PRKD1: variants seen among roughly 807,000 people sequenced by gnomAD.
PRKD1 encodes the protein protein kinase D1, also known as serine/threonine-protein kinase D1.
A neutral mutation model predicts 95.9 loss-of-function variants in PRKD1; 63 were observed. The observed-to-expected ratio is 0.66, with a 90% CI of 0.54 to 0.81. The LOEUF (loss-of-function observed/expected upper bound fraction) is 0.81, where lower values mean the gene tolerates loss of function less well. Among genes scored for constraint, PRKD1 ranks in the 30% least tolerant of loss-of-function variants. The pLI, the probability that PRKD1 is intolerant of heterozygous loss-of-function variation, is 0.00. For missense variants in PRKD1, 1,048 were observed against 1,165.3 expected (o/e 0.90, Z 1.47); for synonymous variants, 425 against 423.1 (o/e 1.00, Z -0.05).
At chr14:29,896,489 C>T (rs938243604) in intron 1 of PRKD1, among the ~76,000 whole-genome samples, 1 of 152,062 alleles carries the variant, frequency 6.6e-6, no homozygotes, top group East Asian at 1.9e-4. Flanking sequence ...GTTTTGCTCT[C>T]CCTGATAATC....
rs746119135 is a variant in PRKD1 at position 29,626,470 on chromosome 14, G to T, written c.1798+14C>A. Reference sequence around the variant, plus strand: ...AATTTTAAGTTCATAAAAATACTCAGTGAGATAACCTACCTCCATAAACAA... The same window carrying T: ...AATTTTAAGTTCATAAAAATACTCATTGAGATAACCTACCTCCATAAACAA... On this transcript the variant is annotated intron_variant, in intron 12 of 17. Coordinates refer to ENST00000331968, the MANE Select transcript of PRKD1 (RefSeq NM_002742.3). The T allele has an allele frequency of 1.3e-6, 2 of 1,595,550 alleles. No homozygotes were observed. Among genetic ancestry groups the T allele is most frequent in the Admixed American group, 3.5e-5 (2 of 57,842 alleles).
At chr14:29,765,010 C>T (rs188209853) in intron 1 of PRKD1, among the ~76,000 whole-genome samples, 9 of 152,172 alleles carry the variant, frequency 5.9e-5, no homozygotes, top group African/African-American at 1.9e-4. Flanking sequence ...AATGAATTGG[C>T]GGCCCATTAC....
chr14:29,604,069 C>A (rs1039871039), intron 13 of PRKD1, among the ~76,000 whole-genome samples: 1 of 152,032 alleles, frequency 6.6e-6, no homozygotes, highest in Non-Finnish European at 1.5e-5. Context: ...AAATTAGTCA[C>A]TAGAATCAAA....
intron 13 of PRKD1, among the ~76,000 whole-genome samples, chr14:29,612,966 T>C (rs1360205918): frequency 6.6e-6 from 1 of 151,970 alleles, no homozygotes; most frequent in African/African-American, 2.4e-5. Flanking sequence ...GGCTTGCTGG[T>C]GGGTGCCTGT....
chr14:29,881,896 A>T (rs1425841913), intron 1 of PRKD1, among the ~76,000 whole-genome samples: 1 of 152,168 alleles, frequency 6.6e-6, no homozygotes, highest in Admixed American at 6.5e-5. Context: ...TCATACCAGA[A>T]ATCCTAAACT....
intron 2 of PRKD1, among the ~76,000 whole-genome samples, chr14:29,693,521 C>T (rs1381817996): frequency 2.0e-5 from 3 of 151,640 alleles, no homozygotes; most frequent in Non-Finnish European, 2.9e-5. Context: ...GTTTGAATGA[C>T]CTTGTAAACT....
At chr14:29,611,767 C>T (rs1878488197) in intron 13 of PRKD1, among the ~76,000 whole-genome samples, 1 of 131,104 alleles carries the variant, frequency 7.6e-6, no homozygotes, top group African/African-American at 2.7e-5. Context: ...AAAACAAACG[C>T]TGGAATCTAC....
At chr14:29,794,756 T>C (rs1392774557) in intron 1 of PRKD1, among the ~76,000 whole-genome samples, 1 of 152,068 alleles carries the variant, frequency 6.6e-6, no homozygotes, top group Non-Finnish European at 1.5e-5. Context: ...AAGTCTTCGC[T>C]GCTGTATTTT....
chr14:29,644,069 A>T (rs1880972250), intron 4 of PRKD1, among the ~76,000 whole-genome samples: 1 of 152,234 alleles, frequency 6.6e-6, no homozygotes, highest in Non-Finnish European at 1.5e-5. Context: ...TTCACCTGAG[A>T]TAAGTGTATG....
intron 1 of PRKD1, among the ~76,000 whole-genome samples, chr14:29,843,272 C>G (rs904374297): frequency 3.3e-5 from 5 of 152,264 alleles, no homozygotes; most frequent in African/African-American, 1.2e-4. Context: ...GAGAGGTCCT[C>G]AGAAGAAACC....
intron 1 of PRKD1, among the ~76,000 whole-genome samples, chr14:29,820,433 A>ACC (rs1416677609): frequency 6.6e-6 from 1 of 152,210 alleles, no homozygotes; most frequent in African/African-American, 2.4e-5. Flanking sequence ...AATAGATGAG[A>ACC]CCAAACATTT....
intron 1 of PRKD1, among the ~76,000 whole-genome samples, chr14:29,802,930 G>C (rs561778542): frequency 6.6e-6 from 1 of 152,192 alleles, no homozygotes; most frequent in Non-Finnish European, 1.5e-5. Flanking sequence ...TACTAGCCTG[G>C]ATTTATCTTC....
At chr14:29,742,092 G>C (rs1432636043) in intron 1 of PRKD1, among the ~76,000 whole-genome samples, 2 of 152,090 alleles carry the variant, frequency 1.3e-5, no homozygotes, top group African/African-American at 4.8e-5. Context: ...CTGATAAGTG[G>C]ACAGTGCATC....
intron 2 of PRKD1, among the ~76,000 whole-genome samples, chr14:29,680,482 G>A (rs998271295): frequency 2.0e-5 from 3 of 152,114 alleles, no homozygotes; most frequent in African/African-American, 7.2e-5. Flanking sequence ...AACCTACAAC[G>A]CACTATTATG....
At chr14:29,668,333 T>C (rs1882639077) in intron 2 of PRKD1, among the ~76,000 whole-genome samples, 1 of 152,196 alleles carries the variant, frequency 6.6e-6, no homozygotes. Context: ...TTAAAGTGTC[T>C]AGAGATTCCA....
chr14:29,874,915 T>A (rs1893233793), intron 1 of PRKD1, among the ~76,000 whole-genome samples: 1 of 152,176 alleles, frequency 6.6e-6, no homozygotes, highest in Admixed American at 6.5e-5. Context: ...GAAGTTCTAA[T>A]GTTCCAAAGC....
At chr14:29,605,958 G>A (rs570784646) in intron 13 of PRKD1, among the ~76,000 whole-genome samples, 1 of 152,224 alleles carries the variant, frequency 6.6e-6, no homozygotes, top group South Asian at 2.1e-4. Flanking sequence ...AAATCTGTTA[G>A]TCGGAAATTT....
chr14:29,834,440 C>G (rs531544873), intron 1 of PRKD1, among the ~76,000 whole-genome samples: 51 of 152,074 alleles, frequency 3.4e-4, no homozygotes, highest in Non-Finnish European at 3.7e-4. Flanking sequence ...ATATTTCAAT[C>G]AAATATCTTT....
intron 1 of PRKD1, among the ~76,000 whole-genome samples, chr14:29,840,489 T>C (rs1468403784): frequency 6.6e-6 from 1 of 152,234 alleles, no homozygotes; most frequent in Non-Finnish European, 1.5e-5. Flanking sequence ...AACCTCTGCC[T>C]GTTACTCAGT....
Sources: gnomAD v4.1 joint callset for allele counts (sites outside exome capture counted in the v4.1 genomes callset) on GRCh38, gnomAD v4.1.1 for gene constraint, MANE v1.5 for transcripts, NCBI Gene and HGNC (gene_info 2026-07-23, HGNC 2026-07-21) for gene names.